FER: variants seen among roughly 807,000 people sequenced by gnomAD.
FER encodes FER tyrosine kinase.
FER carries 63 observed loss-of-function variants against 111.0 expected under a neutral mutation model. The observed-to-expected ratio is 0.57, with a 90% CI of 0.46 to 0.70. The LOEUF (loss-of-function observed/expected upper bound fraction) is 0.70, where lower values mean the gene tolerates loss of function less well. Ranked by LOEUF, FER falls within the 30% of genes least tolerant of loss-of-function variation. The pLI, the probability that FER is intolerant of heterozygous loss-of-function variation, is 0.00. For synonymous variants in FER, 327 were observed against 313.9 expected, an observed-to-expected ratio of 1.04 and a Z score of -0.44; for missense variants, 914 against 954.0, an observed-to-expected ratio of 0.96 and a Z score of 0.55.
intron 4 of FER, 136 bp from the exon 5 acceptor site, chr5:108,835,572 C>T (rs1201761199): frequency 1.3e-5 from 6 of 473,544 alleles, no homozygotes; most frequent in Non-Finnish European, 1.5e-5. Context: ...AGTTTATTTT[C>T]TATAGTTGTA....
At chr5:109,030,710 G>T (rs1335889800) in intron 13 of FER, among the ~76,000 whole-genome samples, 3 of 152,128 alleles carry the variant, frequency 2.0e-5, no homozygotes, top group African/African-American at 7.2e-5. Flanking sequence ...CTGCCTCTGA[G>T]GAACAGAGTA....
At chr5:108,868,009 T>C (rs1764244551) in intron 6 of FER, 59 bp downstream of exon 6, 1 of 1,508,878 alleles carries the variant, frequency 6.6e-7, no homozygotes, top group Non-Finnish European at 9.0e-7. Flanking sequence ...CAACATATTT[T>C]CTCTCTAGTT....
At chr5:108,817,872 T>G (rs997057028) in intron 3 of FER, among the ~76,000 whole-genome samples, 1 of 152,208 alleles carries the variant, frequency 6.6e-6, no homozygotes, top group Non-Finnish European at 1.5e-5. Flanking sequence ...CATGTATTAA[T>G]CTTAGTATAA....
chr5:108,879,695 AAAAAAAAT>A (rs1156999094), intron 8 of FER, among the ~76,000 whole-genome samples: 2 of 92,342 alleles, frequency 2.2e-5, no homozygotes, highest in African/African-American at 1.3e-4. Flanking sequence ...TTTTAGATTA[AAAAAAAAT>A]ATATATATAT....
At chr5:108,973,471 C>G (rs974986777) in intron 13 of FER, among the ~76,000 whole-genome samples, 2 of 151,132 alleles carry the variant, frequency 1.3e-5, no homozygotes, top group African/African-American at 4.8e-5. Context: ...ATAAGCCTTA[C>G]AGAAAAATGA....
At chr5:108,993,721 GTTAA>G (rs1338570688) in intron 13 of FER, among the ~76,000 whole-genome samples, 2 of 152,040 alleles carry the variant, frequency 1.3e-5, no homozygotes, top group Admixed American at 6.5e-5. Flanking sequence ...TTCTTCTGAT[GTTAA>G]TCACTTGGGT....
chr5:108,883,229 A>C (rs1765848272), intron 8 of FER, among the ~76,000 whole-genome samples, 167 bp from the exon 9 acceptor site: 1 of 152,018 alleles, frequency 6.6e-6, no homozygotes, highest in African/African-American at 2.4e-5. Context: ...TTAGCACCTG[A>C]AATGTGTCTA....
chr5:108,868,904 A>AT (rs1764337031), intron 6 of FER, among the ~76,000 whole-genome samples: 2 of 152,184 alleles, frequency 1.3e-5, no homozygotes, highest in Admixed American at 1.3e-4. Context: ...TATTATGAGC[A>AT]TTTTTCAGGT....
At chr5:109,174,311 A>G (rs1365293388) in intron 17 of FER, among the ~76,000 whole-genome samples, 1 of 152,212 alleles carries the variant, frequency 6.6e-6, no homozygotes, top group Non-Finnish European at 1.5e-5. Flanking sequence ...AGATTCTGAA[A>G]TGGAAATAAG....
At position 109,194,941 on chromosome 5, in the gene FER, T is replaced by A. The variant is rs1431400455; in HGVS notation, c.*7366T>A. On this transcript the variant is annotated 3_prime_UTR_variant, in exon 20 of 20. Coordinates refer to ENST00000281092, the MANE Select transcript of FER (RefSeq NM_005246.4). The stretch of plus-strand genomic sequence containing the variant: ...GAGGGGTTCAGACCTCTAACCTGGA[T>A]TCAGAGCCTTAGAGGCCGAGAGGGA... 6.6e-6 allele frequency: 1 copy of A among 152,202 alleles called. No individual in the cohort carries two copies. Among genetic ancestry groups the A allele is most frequent in the Admixed American group, 6.5e-5 (1 of 15,278 alleles). The allele number at this position is 152,202 out of a possible 1,614,324, so 9.4% of individuals were successfully genotyped here. A position where few individuals can be genotyped will look rare whatever the true frequency, so the allele number is the denominator to read the frequency against.
intron 16 of FER, among the ~76,000 whole-genome samples, chr5:109,077,569 A>G (rs956500753): frequency 6.6e-6 from 1 of 152,152 alleles, no homozygotes; most frequent in Non-Finnish European, 1.5e-5. Flanking sequence ...TCAATTTGTT[A>G]TGGTCCATTT....
At chr5:108,846,004 A>C (rs751162047) in intron 5 of FER, among the ~76,000 whole-genome samples, 3 of 152,106 alleles carry the variant, frequency 2.0e-5, no homozygotes, top group Non-Finnish European at 4.4e-5. Context: ...ACTACTTTTT[A>C]AATTGTTGGA....
At chr5:108,874,742 A>G (rs944177051) in intron 8 of FER, among the ~76,000 whole-genome samples, 1 of 152,110 alleles carries the variant, frequency 6.6e-6, no homozygotes, top group Non-Finnish European at 1.5e-5. Context: ...AAAGAAACAA[A>G]TGAACAGTTA....
At chr5:109,104,046 T>C (rs1419540496) in intron 17 of FER, among the ~76,000 whole-genome samples, 1 of 152,220 alleles carries the variant, frequency 6.6e-6, no homozygotes, top group Non-Finnish European at 1.5e-5. Flanking sequence ...ATTTCGTATG[T>C]CATTGTCAAT....
intron 19 of FER, 90 bp from the exon 20 acceptor site, chr5:109,187,343 C>G: frequency 7.3e-7 from 1 of 1,372,118 alleles, no homozygotes; most frequent in South Asian, 1.4e-5. Flanking sequence ...ACATAAGGTA[C>G]CAAAAGTTAA....
intron 8 of FER, among the ~76,000 whole-genome samples, chr5:108,881,329 C>T (rs959568569): frequency 5.3e-5 from 8 of 152,078 alleles, no homozygotes; most frequent in Admixed American, 2.6e-4. Flanking sequence ...ACGTTTTACA[C>T]GGATGGCAGC....
At chr5:108,998,677 A>G (rs1370713226) in intron 13 of FER, among the ~76,000 whole-genome samples, 1 of 152,126 alleles carries the variant, frequency 6.6e-6, no homozygotes, top group African/African-American at 2.4e-5. Flanking sequence ...GGGATGTTGC[A>G]TTTTATCGAA....
chr5:108,806,435 A>G (rs961193287), intron 3 of FER, among the ~76,000 whole-genome samples: 7 of 152,324 alleles, frequency 4.6e-5, no homozygotes, highest in East Asian at 1.9e-4. Context: ...GAAGAGGGCT[A>G]CCGTCCTCCA....
chr5:109,119,803 T>C (rs1009963967), intron 17 of FER, among the ~76,000 whole-genome samples: 4 of 152,170 alleles, frequency 2.6e-5, no homozygotes, highest in African/African-American at 9.7e-5. Flanking sequence ...GTCTTTTAGA[T>C]AGAAATCATT....
Sources: allele counts gnomAD v4.1 joint callset (sites outside exome capture counted in the v4.1 genomes callset), GRCh38; gene constraint gnomAD v4.1.1; transcripts MANE v1.5; gene names NCBI Gene and HGNC (gene_info 2026-07-23, HGNC 2026-07-21).